The following CBY2 variants were observed in gnomAD, a reference collection of about 807,000 sequenced individuals.
CBY2 encodes the protein chibby family member 2.
In CBY2, 23 loss-of-function variants were observed where a neutral mutation model predicts 25.3. The ratio of observed to expected loss-of-function variants is 0.91; its 90% confidence interval spans 0.65 to 1.29. The LOEUF is 1.29. Ranked by LOEUF, CBY2 falls within the 50% of genes most tolerant of loss-of-function variation. The pLI, the probability that CBY2 is intolerant of heterozygous loss-of-function variation, is 0.00. For synonymous variants in CBY2, 279 were observed against 260.2 expected, an observed-to-expected ratio of 1.07 and a Z score of -0.70; for missense variants, 642 against 590.7, an observed-to-expected ratio of 1.09 and a Z score of -0.90.
At chr13:45,706,198 C>T (rs962907574) in intron 2 of CBY2, among the ~76,000 whole-genome samples, 2 of 152,208 alleles carry the variant, frequency 1.3e-5, no homozygotes, top group Non-Finnish European at 1.5e-5. Context: ...TTGTCCCCTT[C>T]CCCCATGTTC....
At chr13:45,703,699 G>A in intron 2 of CBY2, 1 of 901,214 alleles carries the variant, frequency 1.1e-6, no homozygotes, top group Non-Finnish European at 1.7e-6. Flanking sequence ...TTCAGCGGGA[G>A]GCAAAAATAT....
rs1283556790 is a variant in CBY2 at position 45,713,453 on chromosome 13, A to C, written c.428A>C (p.Gln143Pro). The C allele has an allele frequency of 6.2e-7, 1 of 1,614,104 alleles. No individual in the cohort carries two copies. Among genetic ancestry groups the C allele is most frequent in the African/African-American group, 1.3e-5 (1 of 74,944 alleles). ...TGGGTAAATGAGAACTGCCGCCTGC[A>C]GTCTCCCTACTTCTCCCCATCCGCC... ...GRWVNENCRL[Q>P]SPYFSPSASF... The change falls in exon 3 of 3, where the codon CAG becomes CCG. Residue 143 changes from glutamine to proline, a missense_variant. By Grantham distance (76) the Gln-to-Pro change is moderately conservative (BLOSUM62 -1). Transcript: ENST00000310521. This position sits in a 1 kb window ranked among gnomAD's most constrained non-coding sequence, Gnocchi z 5.0.
intron 2 of CBY2, chr13:45,703,070 G>A: frequency 7.6e-7 from 1 of 1,314,684 alleles, no homozygotes; most frequent in Non-Finnish European, 9.8e-7. Flanking sequence ...GAGGTGGCTG[G>A]GTCAGATGAT....
At chr13:45,702,939 G>T in intron 2 of CBY2, 84 bp downstream of exon 2, 1 of 1,276,096 alleles carries the variant, frequency 7.8e-7, no homozygotes. Flanking sequence ...CTAGCAAGAT[G>T]TTGTAGAATA....
intron 2 of CBY2, among the ~76,000 whole-genome samples, chr13:45,709,426 C>G (rs1476540341): frequency 6.6e-6 from 1 of 151,920 alleles, no homozygotes; most frequent in African/African-American, 2.4e-5. Flanking sequence ...CTCTTTGGAC[C>G]CTTAGTTGGA....
rs74772243 is a variant in CBY2 at position 45,707,171 on chromosome 13, C to T, written c.156+4316C>T. 5.6e-3 allele frequency among the ~76,000 whole-genome samples: 852 copies of T among 152,142 alleles called. 5 individuals carry two copies. Among genetic ancestry groups the T allele is most frequent in the Non-Finnish European group, 9.0e-3 (611 of 67,988 alleles). On this transcript the variant is annotated intron_variant, in intron 2 of 2. Coordinates refer to ENST00000310521, the MANE Select transcript of CBY2 (RefSeq NM_152719.3). ...GCCCAAAGTTACTGGAAATTTAGGG[C>T]GTTTACCCTCGTTGGATTATATATT...
intron 2 of CBY2, among the ~76,000 whole-genome samples, chr13:45,710,416 T>C (rs1950263224): frequency 6.6e-6 from 1 of 152,048 alleles, no homozygotes. Flanking sequence ...CCAGCTACTC[T>C]GGAGGCTGAG....
rs1206100763 is a variant in CBY2 at position 45,713,971 on chromosome 13, G to A, written c.946G>A (p.Ala316Thr). The change falls in exon 3 of 3, where the codon GCC (alanine) becomes ACC (threonine). Residue 316 changes from alanine to threonine, a missense_variant. Physicochemically the swap from Ala to Thr is moderately conservative, Grantham distance 58 (BLOSUM62 0). Transcript: ENST00000310521. This position sits in a 1 kb window ranked among gnomAD's most constrained non-coding sequence, Gnocchi z 5.0. The stretch of plus-strand genomic sequence containing the variant: ...CTTCGAGGAGCCCAAAGGGCCTCCG[G>A]CCCGGCAGGAGGACTCCAAGGAGCT... Reference protein sequence around the residue: ...SRFEEPKGPPARQEDSKELRA... With the variant: ...SRFEEPKGPPTRQEDSKELRA... The A allele has an allele frequency of 8.6e-6, 13 of 1,517,332 alleles. No homozygotes were observed. The highest frequency in any genetic ancestry group is 4.5e-5 in the Admixed American group (2 of 43,996). The allele number at this position is 1,517,332 out of a possible 1,614,324, so 94.0% of individuals were successfully genotyped here.
At position 45,714,132 on chromosome 13, in the gene CBY2, G is replaced by C. The variant is rs568287955; in HGVS notation, c.1107G>C (p.Leu369=). ...AGATGAGGCAGGCGCTGCAGGCCCT[G>C]CTCAAGGAGAACCGGCTCCTGCAGG... The part of the protein sequence containing the change: ...LREMRQALQA[L]LKENRLLQEE... Residue 369 remains leucine (L), a synonymous_variant, in exon 3 of 3, where the codon CTG becomes CTC. Coordinates refer to ENST00000310521, the MANE Select transcript of CBY2 (RefSeq NM_152719.3). 1.1e-4 allele frequency: 170 copies of C among 1,588,816 alleles called. No homozygotes were observed. Among genetic ancestry groups the C allele is most frequent in the Non-Finnish European group, 1.1e-4 (123 of 1,166,932 alleles).
chr13:45,714,013 AT>A lies in CBY2; in HGVS notation c.989del (p.Met330ArgfsTer30). 6.7e-7 allele frequency: 1 copy of A among 1,486,934 alleles called. No individual in the cohort carries two copies. Among genetic ancestry groups the A allele is most frequent in the South Asian group, 1.3e-5 (1 of 76,300 alleles). The allele number at this position is 1,486,934 out of a possible 1,614,324, so 92.1% of individuals were successfully genotyped here. On this transcript the variant is annotated frameshift_variant, in exon 3 of 3. Coordinates refer to ENST00000310521, the MANE Select transcript of CBY2 (RefSeq NM_152719.3). LOFTEE classifies it high-confidence loss of function. The part of the protein sequence containing the change: ...DSKELRALRK[M>X]VSNMSGPSGE... ...CAAGGAGCTGCGCGCCCTGCGGAAG[AT>A]GGTCAGCAACATGTCCGGGCCCTCC... is the stretch of plus-strand genomic sequence containing the variant.
rs1950215149 is a variant in CBY2, at chr13:45,702,439, A to G, written c.49A>G (p.Arg17Gly). 6.2e-7 allele frequency: 1 copy of G among 1,614,048 alleles called. No individual in the cohort carries two copies. Among genetic ancestry groups the G allele is most frequent in the South Asian group, 1.1e-5 (1 of 91,086 alleles). Residue 17 changes from arginine (R) to glycine (G), a missense_variant, in exon 1 of 3, where the codon AGG becomes GGG. Transcript: ENST00000310521. Reference protein sequence around the residue: ...SECFGDQLLHRTYTWQLTLHS... With the variant: ...SECFGDQLLHGTYTWQLTLHS... ...GTGTTTTGGTGACCAACTTCTGCATAGGACCTATACCTGGCAACTCACATT... is the reference window on the plus strand; with the variant it reads ...GTGTTTTGGTGACCAACTTCTGCATGGGACCTATACCTGGCAACTCACATT...
chr13:45,713,520 G>A lies in CBY2; in HGVS notation c.495G>A (p.Glu165=), dbSNP rs369422458. 6.6e-5 allele frequency: 107 copies of A among 1,614,094 alleles called. No individual in the cohort carries two copies. Among genetic ancestry groups the A allele is most frequent in the Non-Finnish European group, 8.4e-5 (99 of 1,180,030 alleles). The part of the protein sequence containing the change: ...HKLHHKRLAK[E]CMLQEENKSL... ...TGCACCACAAGAGGCTGGCCAAGGAGTGCATGCTGCAGGAGGAGAACAAGT... is the reference window on the plus strand; with the variant it reads ...TGCACCACAAGAGGCTGGCCAAGGAATGCATGCTGCAGGAGGAGAACAAGT... Residue 165 remains glutamate (E), a synonymous_variant, in exon 3 of 3, where the codon GAG becomes GAA. Transcript: ENST00000310521. The surrounding 1 kb of genome is among the most constrained non-coding windows in gnomAD (Gnocchi z 5.0).
At chr13:45,709,633 T>C (rs1950258194) in intron 2 of CBY2, among the ~76,000 whole-genome samples, 1 of 152,228 alleles carries the variant, frequency 6.6e-6, no homozygotes, top group African/African-American at 2.4e-5. Flanking sequence ...AATGTCACTT[T>C]GCTTTAAGAT....
intron 2 of CBY2, among the ~76,000 whole-genome samples, chr13:45,705,985 G>A (rs940622136): frequency 6.6e-6 from 1 of 152,186 alleles, no homozygotes; most frequent in Non-Finnish European, 1.5e-5. Flanking sequence ...GTGTGTGTCA[G>A]CTAAGCCTGG....
intron 2 of CBY2, among the ~76,000 whole-genome samples, chr13:45,710,518 G>A (rs555344854): frequency 7.9e-5 from 12 of 152,140 alleles, no homozygotes; most frequent in African/African-American, 1.7e-4. Flanking sequence ...GTGAGACTCC[G>A]TCTCAAAACA....
At position 45,713,703 on chromosome 13, in the gene CBY2, G is replaced by T; in HGVS notation, c.678G>T (p.Leu226=). The change falls in exon 3 of 3, where the codon CTG becomes CTT. Residue 226 remains leucine, a synonymous_variant. Transcript: ENST00000310521. This position sits in a 1 kb window ranked among gnomAD's most constrained non-coding sequence, Gnocchi z 5.0. ...TGCTGCACAAAGACAGCGCGTCCCT[G>T]GAGGTGGTGAAGAAGGACCACGTCG... ...SPLLHKDSAS[L]EVVKKDHVAL... 1.2e-6 allele frequency: 2 copies of T among 1,612,270 alleles called. No homozygotes were observed. The highest frequency in any genetic ancestry group is 2.2e-5 in the South Asian group (2 of 91,078).
chr13:45,712,916 G>A (rs1950279038), intron 2 of CBY2, among the ~76,000 whole-genome samples: 2 of 152,224 alleles, frequency 1.3e-5, no homozygotes, highest in Admixed American at 1.3e-4. Flanking sequence ...CAGGCTCACA[G>A]GAACATAGCC....
In CBY2 at chr13:45,714,404, G is replaced by A. The variant is rs1231734689; in HGVS notation, c.*32G>A. ...GGCCTTGCACCGGGACGCCGAGTTT[G>A]GGACACCGAACACTGGGCAAAAGAG... is the stretch of plus-strand genomic sequence containing the variant. On this transcript the variant is annotated 3_prime_UTR_variant, in exon 3 of 3. Coordinates refer to ENST00000310521, the MANE Select transcript of CBY2 (RefSeq NM_152719.3). 2.4e-5 allele frequency: 36 copies of A among 1,521,292 alleles called. No individual in the cohort carries two copies. Among genetic ancestry groups the A allele is most frequent in the Non-Finnish European group, 3.1e-5 (35 of 1,128,462 alleles). The allele number at this position is 1,521,292 out of a possible 1,614,324, so 94.2% of individuals were successfully genotyped here. A position where few individuals can be genotyped will look rare whatever the true frequency, so the allele number is the denominator to read the frequency against.
chr13:45,705,286 G>A (rs1387870012), intron 2 of CBY2, among the ~76,000 whole-genome samples: 1 of 152,160 alleles, frequency 6.6e-6, no homozygotes, highest in Non-Finnish European at 1.5e-5. Flanking sequence ...AGTTCTCACA[G>A]ACTTTCGCGT....
Sources: allele counts gnomAD v4.1 joint callset (sites outside exome capture counted in the v4.1 genomes callset), GRCh38; gene constraint gnomAD v4.1.1; non-coding constraint Gnocchi (gnomAD v3.1); transcripts MANE v1.5; gene names NCBI Gene and HGNC (gene_info 2026-07-23, HGNC 2026-07-21).